RBFOX1: variants seen among roughly 807,000 people sequenced by gnomAD.
The protein encoded by RBFOX1 is RNA binding fox-1 homolog 1.
Under a neutral mutation model 57.7 loss-of-function variants are expected in RBFOX1, and 8 were observed. The ratio of observed to expected loss-of-function variants is 0.14; its 90% CI spans 0.08 to 0.25. RBFOX1 has a LOEUF of 0.25. Among genes scored for constraint, RBFOX1 ranks in the 10% least tolerant of loss-of-function variants. The probability of loss-of-function intolerance (pLI) is 1.00; values close to 1 mark genes in which losing one functional copy is unlikely to be tolerated. For missense variants in RBFOX1, 611 were observed against 548.5 expected (o/e 1.11, Z -1.14); for synonymous variants, 326 against 222.4 (o/e 1.47, Z -4.15).
chr16:7,507,264 C>G (rs2073629149), intron 4 of RBFOX1, among the ~76,000 whole-genome samples: 1 of 152,116 alleles, frequency 6.6e-6, no homozygotes, highest in African/African-American at 2.4e-5. Flanking sequence ...ACTCTGAACC[C>G]ATTCCTCCAC....
chr16:6,715,391 C>A (rs530380399), intron 3 of RBFOX1, among the ~76,000 whole-genome samples: 1 of 152,022 alleles, frequency 6.6e-6, no homozygotes, highest in South Asian at 2.1e-4. Context: ...CTTTATCTTG[C>A]TGCATTATAA....
At chr16:6,400,191 A>AGACT (rs2093011492) in intron 2 of RBFOX1, among the ~76,000 whole-genome samples, 1 of 152,234 alleles carries the variant, frequency 6.6e-6, no homozygotes, top group Non-Finnish European at 1.5e-5. Flanking sequence ...CCCTCAAAGT[A>AGACT]GACTACATGT....
At chr16:5,606,403 C>T (rs2151226769) in intron 3 of RBFOX1, among the ~76,000 whole-genome samples, 1 of 152,184 alleles carries the variant, frequency 6.6e-6, no homozygotes, top group South Asian at 2.1e-4. Context: ...CTTCCTAAGT[C>T]ACTCTGGTTG....
chr16:6,326,683 C>G (rs556518690), intron 2 of RBFOX1, among the ~76,000 whole-genome samples: 2 of 150,456 alleles, frequency 1.3e-5, no homozygotes, highest in African/African-American at 2.4e-5. Flanking sequence ...GCTGCTAATG[C>G]ATTAATAACA....
intron 2 of RBFOX1, among the ~76,000 whole-genome samples, chr16:6,629,671 T>C (rs1030935580): frequency 3.3e-5 from 5 of 152,250 alleles, no homozygotes; most frequent in African/African-American, 4.8e-5. Flanking sequence ...GAGATTTTAA[T>C]TAACAGCAGG....
At chr16:5,470,061 T>A (rs71390663) in intron 2 of RBFOX1, among the ~76,000 whole-genome samples, 1 of 152,348 alleles carries the variant, frequency 6.6e-6, no homozygotes, top group African/African-American at 2.4e-5. Context: ...GTTTAACTTA[T>A]TGAGGAGGTG....
chr16:6,740,412 T>G (rs545126170), intron 3 of RBFOX1, among the ~76,000 whole-genome samples: 2 of 152,054 alleles, frequency 1.3e-5, no homozygotes, highest in African/African-American at 4.8e-5. Context: ...ACAAGAAATA[T>G]AAATAAAAGG....
At chr16:7,639,265 C>T (rs1411172696) in intron 11 of RBFOX1, among the ~76,000 whole-genome samples, 8 of 152,158 alleles carry the variant, frequency 5.3e-5, no homozygotes, top group Non-Finnish European at 5.9e-5. Flanking sequence ...CCATTTCTAT[C>T]CCCACACTTT....
chr16:7,052,522 G>A (rs902583725), intron 4 of RBFOX1, among the ~76,000 whole-genome samples: 2 of 152,144 alleles, frequency 1.3e-5, no homozygotes, highest in Non-Finnish European at 2.9e-5. Context: ...TATGTCAAGG[G>A]CGTTTTCTGG....
intron 2 of RBFOX1, among the ~76,000 whole-genome samples, chr16:6,341,564 A>G (rs755279742): frequency 6.6e-6 from 1 of 152,234 alleles, no homozygotes; most frequent in Non-Finnish European, 1.5e-5. Context: ...TTTAAAGATA[A>G]TAATGCTGAT....
At chr16:6,484,819 G>C (rs946071840) in intron 2 of RBFOX1, among the ~76,000 whole-genome samples, 1 of 152,200 alleles carries the variant, frequency 6.6e-6, no homozygotes, top group East Asian at 1.9e-4. Context: ...CACTTTCTGA[G>C]TGTCTTCACG....
rs190558903 is a variant in RBFOX1 at position 6,699,272 on chromosome 16, G to A, written c.-16+44622G>A. On this transcript the variant is annotated intron_variant, in intron 3 of 15. Transcript: ENST00000550418. The stretch of plus-strand genomic sequence containing the variant: ...TTCACGTTCACTGTTGTGAGGCTTT[G>A]CCTTCATAGTTATCCTCCCTATGTT... Among the ~76,000 whole-genome samples, 3 of 150,530 alleles carry A rather than the reference G, an allele frequency of 2.0e-5. No individual in the cohort carries two copies. In the East Asian group the frequency reaches 6.0e-4, roughly 30 times the overall value.
intron 4 of RBFOX1, among the ~76,000 whole-genome samples, chr16:5,948,964 G>T (rs1235658201): frequency 6.6e-6 from 1 of 152,082 alleles, no homozygotes; most frequent in Non-Finnish European, 1.5e-5. Flanking sequence ...TTACCTGTTT[G>T]GCATCTTCTC....
At chr16:7,060,767 G>A (rs533396118) in intron 4 of RBFOX1, among the ~76,000 whole-genome samples, 20 of 152,188 alleles carry the variant, frequency 1.3e-4, no homozygotes, top group East Asian at 3.9e-4. Flanking sequence ...ATTGTTGTTC[G>A]GCTGTTCCAG....
At chr16:6,149,160 G>C (rs991319667) in intron 1 of RBFOX1, among the ~76,000 whole-genome samples, 2 of 152,182 alleles carry the variant, frequency 1.3e-5, no homozygotes, top group African/African-American at 4.8e-5. Context: ...GGCGCTTTGG[G>C]GGCCTCCTTA....
At chr16:6,868,551 A>C (rs1249193336) in intron 3 of RBFOX1, among the ~76,000 whole-genome samples, 1 of 152,050 alleles carries the variant, frequency 6.6e-6, no homozygotes, top group East Asian at 1.9e-4. Flanking sequence ...GGCTCACTGC[A>C]ACCTCTGCTT....
At position 5,955,839 on chromosome 16, in the gene RBFOX1, A is replaced by G. The variant is rs2059628015; in HGVS notation, c.351+88504A>G. On this transcript the variant is annotated intron_variant, in intron 4 of 19. Coordinates refer to the RBFOX1 transcript ENST00000641259. ...GAAAACTAATATATATGACATGTTA[A>G]TGTAGTTACCAGCGGAATGCAGGTT... Among the ~76,000 whole-genome samples the G allele has an allele frequency of 2.0e-5, 3 of 152,358 alleles. No homozygotes were observed. In the South Asian group the frequency reaches 6.2e-4, roughly 32 times the overall value.
intron 3 of RBFOX1, among the ~76,000 whole-genome samples, chr16:7,022,468 G>T (rs73536852): frequency 0.038 from 5,708 of 152,132 alleles, 370 homozygotes; most frequent in African/African-American, 0.13. Context: ...AGTTTATGGA[G>T]TTGGTTAGAA....
chr16:6,871,217 G>C (rs1567649555), intron 3 of RBFOX1, among the ~76,000 whole-genome samples: 1 of 152,180 alleles, frequency 6.6e-6, no homozygotes, highest in East Asian at 1.9e-4. Context: ...ATGGAGTGTT[G>C]CTCTGTCCCC....
Sources: gnomAD v4.1 joint callset for allele counts (sites outside exome capture counted in the v4.1 genomes callset) on GRCh38, gnomAD v4.1.1 for gene constraint, MANE v1.5 for transcripts, NCBI Gene and HGNC (gene_info 2026-07-23, HGNC 2026-07-21) for gene names.